UBE4B: variants seen among roughly 807,000 people sequenced by gnomAD.
The protein encoded by UBE4B is ubiquitination factor E4B, also known as ubiquitin conjugation factor E4 B.
Under a neutral mutation model 148.1 loss-of-function variants are expected in UBE4B, and 27 were observed. The observed-to-expected ratio is 0.18, with a 90% confidence interval of 0.13 to 0.25. The LOEUF (loss-of-function observed/expected upper bound fraction) is 0.25. Among genes scored for constraint, UBE4B ranks in the 10% least tolerant of loss-of-function variants. The pLI is 1.00. For synonymous variants in UBE4B, 596 were observed against 619.3 expected (o/e 0.96, Z 0.56); for missense variants, 1,170 against 1,662.4 (o/e 0.70, Z 5.15).
intron 23 of UBE4B, among the ~76,000 whole-genome samples, chr1:10,162,879 T>C (rs1472465350): frequency 1.3e-5 from 2 of 152,116 alleles, no homozygotes; most frequent in Admixed American, 6.6e-5. Flanking sequence ...TTTCTTCTTA[T>C]GTATTAAAGT....
chr1:10,092,949 G>A (rs892757633), intron 2 of UBE4B, among the ~76,000 whole-genome samples: 2 of 152,210 alleles, frequency 1.3e-5, no homozygotes, highest in Admixed American at 6.5e-5. Flanking sequence ...TCCGAAATGT[G>A]AAGATCATGT....
In UBE4B at chr1:10,055,395, G is replaced by T. The variant is rs117537003; in HGVS notation, c.25-16633G>T. On this transcript the variant is annotated intron_variant, in intron 1 of 27. Coordinates refer to ENST00000343090, the MANE Select transcript of UBE4B (RefSeq NM_001105562.3). ...ACTGGCAGCATCATAGCTCACTGTAGCCTTGAACTCCTGGGCTCCGGTGAT... is the reference window on the plus strand; with the variant it reads ...ACTGGCAGCATCATAGCTCACTGTATCCTTGAACTCCTGGGCTCCGGTGAT... 1.2e-3 allele frequency among the ~76,000 whole-genome samples: 188 copies of T among 151,884 alleles called. 1 individual carries two copies. The East Asian group carries it at 0.03, about 24-fold the overall frequency.
chr1:10,103,447 ATTTT>A (rs1036941283), intron 5 of UBE4B, among the ~76,000 whole-genome samples: 4 of 101,882 alleles, frequency 3.9e-5, no homozygotes, highest in Admixed American at 2.1e-4. Flanking sequence ...TTATTTATTT[ATTTT>A]GAGATGGAAT....
intron 1 of UBE4B, among the ~76,000 whole-genome samples, chr1:10,039,194 C>G (rs1643665225): frequency 6.6e-6 from 1 of 152,064 alleles, no homozygotes; most frequent in South Asian, 2.1e-4. Flanking sequence ...GAGGTATGCA[C>G]AACTCACTTA....
chr1:10,035,048 C>T (rs904815784), intron 1 of UBE4B, among the ~76,000 whole-genome samples: 2 of 150,174 alleles, frequency 1.3e-5, no homozygotes, highest in African/African-American at 4.9e-5. Flanking sequence ...GCCCAGGCTG[C>T]AGTGCAGTGG....
chr1:10,042,359 A>G (rs1643804912), intron 1 of UBE4B, among the ~76,000 whole-genome samples: 1 of 152,146 alleles, frequency 6.6e-6, no homozygotes, highest in African/African-American at 2.4e-5. Context: ...GGGATAAAAA[A>G]CAAGCATGGC....
At chr1:10,134,714 A>G (rs1183180119) in intron 15 of UBE4B, among the ~76,000 whole-genome samples, 3 of 152,220 alleles carry the variant, frequency 2.0e-5, no homozygotes, top group South Asian at 2.1e-4. Context: ...AAGTTTGCCA[A>G]AATTTCTATT....
At chr1:10,062,610 C>T (rs565245961) in intron 1 of UBE4B, among the ~76,000 whole-genome samples, 34 of 152,320 alleles carry the variant, frequency 2.2e-4, no homozygotes, top group Admixed American at 1.1e-3. Context: ...CTGTACCGGC[C>T]GCCTTAATGC....
chr1:10,134,389 G>A (rs1462158087), intron 15 of UBE4B, among the ~76,000 whole-genome samples: 1 of 151,768 alleles, frequency 6.6e-6, no homozygotes, highest in Non-Finnish European at 1.5e-5. Context: ...GCGGGTGCCT[G>A]TAATCCCAGC....
intron 4 of UBE4B, among the ~76,000 whole-genome samples, chr1:10,101,498 CTTTTTTTTTTTTTT>C (rs34066776): frequency 7.1e-5 from 4 of 56,178 alleles, no homozygotes; most frequent in Admixed American, 4.7e-4. Flanking sequence ...TGGTCTTTTG[CTTTTTTTTTTTTTT>C]TTTTTTTTTT....
intron 4 of UBE4B, among the ~76,000 whole-genome samples, chr1:10,102,325 A>G (rs1291785302): frequency 6.6e-6 from 1 of 150,962 alleles, no homozygotes; most frequent in Non-Finnish European, 1.5e-5. Flanking sequence ...AGAAAAGTAA[A>G]TAGATAGGAT....
rs75881146 is a variant in UBE4B at position 10,106,007 on chromosome 1, T to C, written c.810-190T>C. On this transcript the variant is annotated intron_variant, in intron 6 of 27. Transcript: ENST00000343090. This position sits in a 1 kb window ranked among gnomAD's most constrained non-coding sequence, Gnocchi z 4.2. ...CTACATCATTCTTCGAATGGGGACTTTATCGTCTTGTAAGTATAGCCTCTA... is the reference window on the plus strand; with the variant it reads ...CTACATCATTCTTCGAATGGGGACTCTATCGTCTTGTAAGTATAGCCTCTA... Among the ~76,000 whole-genome samples, 269 of 152,292 alleles carry C rather than the reference T, an allele frequency of 1.8e-3. No individual in the cohort carries two copies. Among genetic ancestry groups the C allele is most frequent in the African/African-American group, 5.8e-3 (243 of 41,554 alleles).
chr1:10,041,005 A>G (rs1056704131), intron 1 of UBE4B, among the ~76,000 whole-genome samples: 35 of 152,100 alleles, frequency 2.3e-4, no homozygotes, highest in African/African-American at 7.5e-4. Flanking sequence ...GATAGTTGCT[A>G]CCATTCACTT....
chr1:10,104,623 T>C (rs184776525), intron 5 of UBE4B, among the ~76,000 whole-genome samples: 4 of 152,364 alleles, frequency 2.6e-5, no homozygotes, highest in Admixed American at 2.0e-4. Context: ...ATTTTACTTA[T>C]TAACTCTGCT....
intron 2 of UBE4B, among the ~76,000 whole-genome samples, chr1:10,078,046 G>C (rs1012937556): frequency 2.0e-5 from 3 of 150,716 alleles, no homozygotes; most frequent in African/African-American, 4.9e-5. Flanking sequence ...GTCTCTCTCT[G>C]TCACCCAATC....
intron 1 of UBE4B, chr1:10,054,563 C>A: frequency 3.3e-6 from 1 of 304,548 alleles, no homozygotes; most frequent in East Asian, 8.1e-5. Flanking sequence ...CATTTTCCTT[C>A]ATGAGTTTTA....
At chr1:10,130,456 CG>C in intron 12 of UBE4B, 43 bp from the exon 13 acceptor site, 1 of 1,502,616 alleles carries the variant, frequency 6.7e-7, no homozygotes, top group South Asian at 1.1e-5. Flanking sequence ...TTTACCCCAC[CG>C]GCCTGTTCAG....
intron 6 of UBE4B, 21 bp downstream of exon 6, chr1:10,105,765 A>G: frequency 5.6e-6 from 9 of 1,606,726 alleles, no homozygotes; most frequent in Non-Finnish European, 7.7e-6. Flanking sequence ...TTCTCTTTGC[A>G]CATCTTACTG....
At chr1:10,097,179 G>T (rs949088208) in intron 3 of UBE4B, among the ~76,000 whole-genome samples, 7 of 152,126 alleles carry the variant, frequency 4.6e-5, no homozygotes, top group Middle Eastern at 3.4e-3. Flanking sequence ...AACTGAAAGA[G>T]CTGAGGAAAT....
Sources: gnomAD v4.1 joint callset for allele counts (sites outside exome capture counted in the v4.1 genomes callset) on GRCh38, gnomAD v4.1.1 for gene constraint, Gnocchi (gnomAD v3.1) non-coding constraint, MANE v1.5 for transcripts, NCBI Gene and HGNC (gene_info 2026-07-23, HGNC 2026-07-21) for gene names.